The following BNC2 variants were observed in gnomAD, a reference collection of about 807,000 sequenced individuals.
The protein encoded by BNC2 is zinc finger protein basonuclin-2.
BNC2 carries 20 observed loss-of-function variants against 76.3 expected under a neutral mutation model. That is an observed-to-expected ratio of 0.26 (90% CI 0.18 to 0.38). The LOEUF is 0.38. Among genes scored for constraint, BNC2 ranks in the 10% least tolerant of loss-of-function variants. The pLI is 1.00. For missense variants in BNC2, 1,382 were observed against 1,399.8 expected (o/e 0.99, Z 0.20); for synonymous variants, 582 against 514.8 (o/e 1.13, Z -1.77).
At chr9:16,741,374 AC>A (rs1384893149) in intron 1 of BNC2, among the ~76,000 whole-genome samples, 2 of 151,778 alleles carry the variant, frequency 1.3e-5, no homozygotes, top group African/African-American at 4.8e-5. Context: ...AATCACTTGA[AC>A]CTGGGAGGTG....
chr9:16,749,515 C>A (rs1020119711), intron 1 of BNC2, among the ~76,000 whole-genome samples: 2 of 152,014 alleles, frequency 1.3e-5, no homozygotes, highest in African/African-American at 4.8e-5. Flanking sequence ...GCCTGGGTAA[C>A]AGAGTGAGAT....
intron 1 of BNC2, among the ~76,000 whole-genome samples, chr9:16,811,451 C>G (rs1818050587): frequency 6.8e-6 from 1 of 146,712 alleles, no homozygotes; most frequent in African/African-American, 2.5e-5. Flanking sequence ...ACTCAGGAGG[C>G]TGAGGCAGGA....
rs1162463537 is a variant in BNC2, at chr9:16,721,926, A to C, written c.330+5871T>G. Among the ~76,000 whole-genome samples the C allele has an allele frequency of 2.9e-5, 3 of 104,414 alleles. No individual in the cohort carries two copies. The East Asian group carries it at 9.8e-4, about 34-fold the overall frequency. The allele number at this position is 104,414 out of a possible 152,430, so 68.5% of individuals were successfully genotyped here. A position where few individuals can be genotyped will look rare whatever the true frequency, so the allele number is the denominator to read the frequency against. Reference sequence around the variant, plus strand: ...CTCTTTCCTTTTGATATATGTGCTAATCTAGAGTGCCAAGTTCAGAAAATA... The same window carrying C: ...CTCTTTCCTTTTGATATATGTGCTACTCTAGAGTGCCAAGTTCAGAAAATA... On this transcript the variant is annotated intron_variant, in intron 3 of 6. Transcript: ENST00000380672.
intron 3 of BNC2, among the ~76,000 whole-genome samples, chr9:16,599,645 G>A (rs539913194): frequency 1.4e-4 from 21 of 152,246 alleles, no homozygotes; most frequent in African/African-American, 5.1e-4. Flanking sequence ...TAAGCCAGGC[G>A]TGGTGGCACA....
At chr9:16,784,357 T>TA (rs1826226084) in intron 1 of BNC2, among the ~76,000 whole-genome samples, 2 of 152,166 alleles carry the variant, frequency 1.3e-5, no homozygotes, top group Admixed American at 6.5e-5. Context: ...TAAAAGTAAA[T>TA]AAAGTATTTT....
intron 1 of BNC2, among the ~76,000 whole-genome samples, chr9:16,772,256 A>T (rs1211134370): frequency 1.3e-5 from 2 of 152,144 alleles, no homozygotes; most frequent in Non-Finnish European, 2.9e-5. Context: ...GGGTGTATAT[A>T]AAAATAAACT....
In BNC2 at chr9:16,419,158, T is replaced by C; in HGVS notation, c.3131A>G (p.Tyr1044Cys). The C allele has an allele frequency of 6.2e-7, 1 of 1,614,218 alleles. No homozygotes were observed. Among genetic ancestry groups the C allele is most frequent in the East Asian group, 2.2e-5 (1 of 44,852 alleles). The change falls in exon 7 of 7, where the codon TAC (tyrosine) becomes TGC (cysteine). Residue 1044 changes from tyrosine (Y) to cysteine (C), a missense_variant. Coordinates refer to ENST00000380672, the MANE Select transcript of BNC2 (RefSeq NM_017637.6). ...GIMCNICHKM[Y>C]SNKGTLRVHY... ...CACTCTCAGGGTCCCCTTGTTGCTG[T>C]ACATTTTGTGGCAAATGTTGCACAT...
intron 1 of BNC2, among the ~76,000 whole-genome samples, chr9:16,754,676 G>A (rs1257133132): frequency 6.6e-6 from 1 of 152,030 alleles, no homozygotes; most frequent in East Asian, 1.9e-4. Flanking sequence ...TCCTGCCTCA[G>A]CCTCCTGAGT....
chr9:16,511,105 C>CT (rs34511398), intron 5 of BNC2, among the ~76,000 whole-genome samples: 45,168 of 125,120 alleles, frequency 0.36, 8,376 homozygotes, highest in South Asian at 0.5. Context: ...ACTAAACTTA[C>CT]TTTTTTTTTT....
chr9:16,430,585 G>A (rs536259239), intron 6 of BNC2, among the ~76,000 whole-genome samples: 9 of 152,264 alleles, frequency 5.9e-5, no homozygotes, highest in African/African-American at 1.7e-4. Flanking sequence ...ACATGTTTTC[G>A]CATCTTCACC....
At chr9:16,653,109 T>C (rs911448976) in intron 3 of BNC2, among the ~76,000 whole-genome samples, 3 of 152,210 alleles carry the variant, frequency 2.0e-5, no homozygotes, top group Non-Finnish European at 2.9e-5. Context: ...ATGAATTTTT[T>C]AAATGCTGCA....
At chr9:16,821,303 G>A (rs1586911117) in intron 1 of BNC2, among the ~76,000 whole-genome samples, 2 of 151,970 alleles carry the variant, frequency 1.3e-5, no homozygotes, top group East Asian at 1.9e-4. Context: ...CAGCAACAGG[G>A]TCTGCAGGCC....
chr9:16,446,318 A>G (rs1219702565), intron 5 of BNC2, among the ~76,000 whole-genome samples: 1 of 152,196 alleles, frequency 6.6e-6, no homozygotes, highest in Admixed American at 6.5e-5. Flanking sequence ...CATAGTCAAA[A>G]GAATGCCTCT....
At chr9:16,429,295 C>T (rs1035314877) in intron 6 of BNC2, 1 of 152,198 alleles carries the variant, frequency 6.6e-6, no homozygotes, top group Non-Finnish European at 1.5e-5. Flanking sequence ...CAAAACGGAA[C>T]TTACCTGAGT....
intron 1 of BNC2, among the ~76,000 whole-genome samples, chr9:16,793,461 A>C (rs1817566231): frequency 6.6e-6 from 1 of 152,034 alleles, no homozygotes; most frequent in African/African-American, 2.4e-5. Flanking sequence ...TTTGGGAAGG[A>C]TCAATTCTAG....
chr9:16,464,323 T>A (rs1034427798), intron 5 of BNC2, among the ~76,000 whole-genome samples: 1 of 152,084 alleles, frequency 6.6e-6, no homozygotes, highest in Admixed American at 6.6e-5. Context: ...GAGTACAGTG[T>A]CTTTGCCATT....
At chr9:16,593,326 A>G (rs1819983000) in intron 3 of BNC2, among the ~76,000 whole-genome samples, 1 of 152,162 alleles carries the variant, frequency 6.6e-6, no homozygotes, top group Admixed American at 6.6e-5. Context: ...GGACACACAC[A>G]GGCATATAAA....
At chr9:16,489,587 C>A (rs1822231481) in intron 5 of BNC2, among the ~76,000 whole-genome samples, 2 of 152,194 alleles carry the variant, frequency 1.3e-5, no homozygotes, top group Non-Finnish European at 2.9e-5. Context: ...TCCATGCACA[C>A]ATGTGGTGAT....
chr9:16,545,922 A>G (rs1330300016), intron 5 of BNC2, among the ~76,000 whole-genome samples: 1 of 152,240 alleles, frequency 6.6e-6, no homozygotes, highest in Non-Finnish European at 1.5e-5. Context: ...GAAGGAAAGC[A>G]TTCACCACTA....
Sources: gnomAD v4.1 joint callset for allele counts (sites outside exome capture counted in the v4.1 genomes callset) on GRCh38, gnomAD v4.1.1 for gene constraint, MANE v1.5 for transcripts, NCBI Gene and HGNC (gene_info 2026-07-23, HGNC 2026-07-21) for gene names.